Variants in SEPTIN7 observed in about 807,000 individuals in gnomAD.
SEPTIN7 encodes the protein septin 7, also known as septin-7.
SEPTIN7 carries 10 observed loss-of-function variants against 63.3 expected under a neutral mutation model. The observed-to-expected ratio is 0.16, with a 90% CI of 0.10 to 0.27. The LOEUF (loss-of-function observed/expected upper bound fraction) is 0.27, where lower values mean the gene tolerates loss of function less well. SEPTIN7 is among the 10% of genes least tolerant of loss of function. The pLI is 1.00. For synonymous variants in SEPTIN7, 131 were observed against 165.3 expected (o/e 0.79, Z 1.59); for missense variants, 310 against 521.0 (o/e 0.59, Z 3.94).
At chr7:35,914,243 T>G in the SEPTIN7 span, among the ~76,000 whole-genome samples, 1 of 152,354 alleles carries the variant, frequency 6.6e-6, no homozygotes, top group East Asian at 1.9e-4. Context: ...TATATAGGAA[T>G]GTTTATATGC....
At chr7:35,806,451 A>G (rs1293965252) in intron 1 of SEPTIN7, among the ~76,000 whole-genome samples, 3 of 152,212 alleles carry the variant, frequency 2.0e-5, no homozygotes, top group Non-Finnish European at 4.4e-5. Context: ...GGTTCCCACT[A>G]CAAGACCCAT....
downstream of SEPTIN7, among the ~76,000 whole-genome samples, chr7:35,910,264 G>A (rs545120956): frequency 5.3e-5 from 8 of 152,256 alleles, no homozygotes; most frequent in African/African-American, 1.4e-4. Flanking sequence ...AAGAGCGGGC[G>A]TACTAAATAA....
At chr7:35,895,098 C>G (rs1419794156) in intron 11 of SEPTIN7, among the ~76,000 whole-genome samples, 1 of 152,044 alleles carries the variant, frequency 6.6e-6, no homozygotes, top group Non-Finnish European at 1.5e-5. Flanking sequence ...GGTTTATAAG[C>G]TTTACTACTA....
intron 4 of SEPTIN7, among the ~76,000 whole-genome samples, chr7:35,868,224 GA>G (rs1450778029): frequency 6.6e-6 from 1 of 152,058 alleles, no homozygotes; most frequent in Non-Finnish European, 1.5e-5. Flanking sequence ...GCAAAATTTT[GA>G]AAGTGAGAAA....
At chr7:35,801,949 G>A (rs1485102487) in intron 1 of SEPTIN7, among the ~76,000 whole-genome samples, 1 of 152,218 alleles carries the variant, frequency 6.6e-6, no homozygotes, top group African/African-American at 2.4e-5. Context: ...GCCGGTGGAT[G>A]GCGGGCGAGT....
chr7:35,884,033 G>A (rs769085806), intron 9 of SEPTIN7, 46 bp downstream of exon 9: 4 of 1,218,792 alleles, frequency 3.3e-6, no homozygotes, highest in Admixed American at 1.7e-5. Context: ...TCTCAAAACT[G>A]ATTAAAAATT....
intron 8 of SEPTIN7, among the ~76,000 whole-genome samples, chr7:35,883,338 C>T (rs1039619797): frequency 6.6e-6 from 1 of 152,042 alleles, no homozygotes; most frequent in Non-Finnish European, 1.5e-5. Flanking sequence ...TTATACATTG[C>T]CTGTGAAGAA....
Position 35,873,794 on chromosome 7 carries a change from C to G in SEPTIN7, c.512+19C>G, listed in dbSNP as rs1253148859. On this transcript the variant is annotated intron_variant, in intron 6 of 13. Transcript: ENST00000350320. ...GACATGGGTCAGTACCTTGATACTT[C>G]TGATTCCTTTTTTGTTGTTGTTGCT... 7 of 1,604,328 alleles carry G rather than the reference C, an allele frequency of 4.4e-6. No homozygotes were observed. The highest frequency in any genetic ancestry group is 1.1e-5 in the South Asian group (1 of 89,234).
intron 3 of SEPTIN7, among the ~76,000 whole-genome samples, chr7:35,848,336 C>T (rs1321344904): frequency 1.3e-5 from 2 of 150,954 alleles, no homozygotes; most frequent in South Asian, 2.1e-4. Flanking sequence ...GGTGTGATCT[C>T]GGCTCACTGC....
intron 3 of SEPTIN7, among the ~76,000 whole-genome samples, chr7:35,861,222 T>C (rs1244626384): frequency 1.3e-5 from 2 of 152,244 alleles, no homozygotes; most frequent in African/African-American, 4.8e-5. Context: ...CTTTTTTCTT[T>C]AGCTCTTTGG....
At chr7:35,832,103 C>G (rs1479910514) in intron 2 of SEPTIN7, 6 of 453,730 alleles carry the variant, frequency 1.3e-5, no homozygotes, top group Non-Finnish European at 2.7e-5. Context: ...ACTCACGAAA[C>G]TATTGTTGAG....
intron 1 of SEPTIN7, among the ~76,000 whole-genome samples, chr7:35,824,493 T>A (rs1783402542): frequency 6.6e-6 from 1 of 152,214 alleles, no homozygotes; most frequent in African/African-American, 2.4e-5. Flanking sequence ...ATTATCTGTC[T>A]AACCTAGATG....
rs140867135 is a variant in SEPTIN7 at position 35,810,958 on chromosome 7, G to A, written c.61+9688G>A. Reference sequence around the variant, plus strand: ...ATTTTTTTGTATTTTTAGTAGAGACGGGGTTTCACCATGTTGGCCAGACTG... The same window carrying A: ...ATTTTTTTGTATTTTTAGTAGAGACAGGGTTTCACCATGTTGGCCAGACTG... On this transcript the variant is annotated intron_variant, in intron 1 of 13. Coordinates refer to ENST00000350320, the MANE Select transcript of SEPTIN7 (RefSeq NM_001788.6). Among the ~76,000 whole-genome samples the A allele has an allele frequency of 1.2e-3, 175 of 151,662 alleles. 1 individual carries two copies. The East Asian group carries it at 0.03, about 26-fold the overall frequency.
chr7:35,846,087 AAGAG>A (rs1331067084), intron 3 of SEPTIN7, among the ~76,000 whole-genome samples: 1 of 152,182 alleles, frequency 6.6e-6, no homozygotes, highest in South Asian at 2.1e-4. Context: ...ATGGCATTTT[AAGAG>A]AGAGGACATC....
chr7:35,876,674 A>G (rs1786492062), intron 6 of SEPTIN7, among the ~76,000 whole-genome samples: 1 of 152,160 alleles, frequency 6.6e-6, no homozygotes, highest in African/African-American at 2.4e-5. Flanking sequence ...CAAAAAATTA[A>G]AAAGTTAGTT....
chr7:35,860,271 A>T (rs1382594741), intron 3 of SEPTIN7, among the ~76,000 whole-genome samples: 3 of 152,062 alleles, frequency 2.0e-5, no homozygotes, highest in Non-Finnish European at 4.4e-5. Flanking sequence ...CTTTTATGTT[A>T]TTGATGTCGT....
intron 1 of SEPTIN7, among the ~76,000 whole-genome samples, chr7:35,816,129 G>T (rs1789042999): frequency 6.6e-6 from 1 of 152,124 alleles, no homozygotes; most frequent in Non-Finnish European, 1.5e-5. Context: ...GCGTGATTTT[G>T]TGGTTTTTCG....
intron 3 of SEPTIN7, among the ~76,000 whole-genome samples, chr7:35,842,507 A>G (rs1258679402): frequency 6.6e-6 from 1 of 152,186 alleles, no homozygotes; most frequent in East Asian, 1.9e-4. Flanking sequence ...GGGAAGGGGA[A>G]TGCTGAATGG....
intron 9 of SEPTIN7, among the ~76,000 whole-genome samples, chr7:35,885,571 A>G (rs1230535149): frequency 6.6e-6 from 1 of 152,094 alleles, no homozygotes; most frequent in African/African-American, 2.4e-5. Flanking sequence ...CAGAATTTCA[A>G]AGTTGTTTCT....
Sources: allele counts gnomAD v4.1 joint callset (sites outside exome capture counted in the v4.1 genomes callset), GRCh38; gene constraint gnomAD v4.1.1; transcripts MANE v1.5; gene names NCBI Gene and HGNC (gene_info 2026-07-23, HGNC 2026-07-21).